TXNL4B: variants seen among roughly 807,000 people sequenced by gnomAD.
The protein encoded by TXNL4B is thioredoxin-like protein 4B.
In TXNL4B, 12 loss-of-function variants were observed where a neutral mutation model predicts 13.0. The ratio of observed to expected loss-of-function variants is 0.92; its 90% CI spans 0.59 to 1.49. The LOEUF is 1.49. TXNL4B is among the 40% of genes most tolerant of loss of function. The probability of loss-of-function intolerance (pLI) is 0.00; values close to 1 mark genes in which losing one functional copy is unlikely to be tolerated. For missense variants in TXNL4B, 214 were observed against 173.6 expected (o/e 1.23, Z -1.31); for synonymous variants, 59 against 58.9 (o/e 1.00, Z -0.01).
chr16:72,090,865 T>C, intron 1 of TXNL4B, 79 bp from the exon 2 acceptor site: 2 of 1,134,934 alleles, frequency 1.8e-6, no homozygotes, highest in Non-Finnish European at 2.6e-6. Flanking sequence ...ATTCACAGAG[T>C]AGCTAATGTA....
rs199528394 is a variant in TXNL4B at position 72,086,558 on chromosome 16, T to C, written c.*79A>G. ...TCTGGGACACATGTTTCCAAAGGAC[T>C]CCAGAAACACAGCACAGCTGGATTC... On this transcript the variant is annotated 3_prime_UTR_variant, in exon 4 of 4. Transcript: ENST00000268483. The C allele has an allele frequency of 3.6e-6, 5 of 1,391,832 alleles. No individual in the cohort carries two copies. The highest frequency in any genetic ancestry group is 2.3e-5 in the East Asian group (1 of 43,086). 86.2% of individuals were successfully genotyped at this position (1,391,832 alleles called of 1,614,324 possible).
Position 72,086,607 on chromosome 16 carries a change from T to C in TXNL4B, c.*30A>G, listed in dbSNP as rs776334761. On this transcript the variant is annotated 3_prime_UTR_variant, in exon 4 of 4. Transcript: ENST00000268483. Reference sequence around the variant, plus strand: ...TCAGGTACTGTGTCAAGATGTGCCTTCTTCTTCATCTTTGACAGCAATTAA... The same window carrying C: ...TCAGGTACTGTGTCAAGATGTGCCTCCTTCTTCATCTTTGACAGCAATTAA... 6.9e-6 allele frequency: 11 copies of C among 1,592,602 alleles called. No homozygotes were observed. Among genetic ancestry groups the C allele is most frequent in the Non-Finnish European group, 9.5e-6 (11 of 1,162,270 alleles).
At chr16:72,090,472 G>T in intron 2 of TXNL4B, 146 bp downstream of exon 2, 1 of 774,524 alleles carries the variant, frequency 1.3e-6, no homozygotes, top group Non-Finnish European at 2.0e-6. Flanking sequence ...TTGGTTCAGG[G>T]CAGGCACACA....
At chr16:72,090,075 C>G in intron 2 of TXNL4B, 1 of 455,884 alleles carries the variant, frequency 2.2e-6, no homozygotes, top group Non-Finnish European at 4.4e-6. Context: ...AGGATTTGTA[C>G]GCTCAGCTCT....
intron 2 of TXNL4B, among the ~76,000 whole-genome samples, chr16:72,090,394 A>G (rs1039850060): frequency 6.6e-6 from 1 of 152,198 alleles, no homozygotes; most frequent in Admixed American, 6.5e-5. Flanking sequence ...TTGTTGGTGA[A>G]ACAGCATTGA....
intron 2 of TXNL4B, chr16:72,090,140 G>A (rs991930214): frequency 8.8e-6 from 4 of 455,930 alleles, no homozygotes; most frequent in African/African-American, 8.0e-5. Context: ...TCTGGGTTAG[G>A]TCTCTCTCTG....
intron 3 of TXNL4B, among the ~76,000 whole-genome samples, chr16:72,087,069 A>T (rs2041833474): frequency 6.6e-6 from 1 of 152,228 alleles, no homozygotes; most frequent in South Asian, 2.1e-4. Flanking sequence ...ATCTATTTTT[A>T]TCACTTCTCA....
At position 72,086,040 on chromosome 16, in the gene TXNL4B, A is replaced by G. The variant is rs947483731; in HGVS notation, c.*597T>C. The G allele has an allele frequency of 3.9e-5, 6 of 152,170 alleles. No individual in the cohort carries two copies. Among genetic ancestry groups the G allele is most frequent in the Non-Finnish European group, 8.8e-5 (6 of 68,046 alleles). 9.4% of individuals were successfully genotyped at this position (152,170 alleles called of 1,614,324 possible). On this transcript the variant is annotated 3_prime_UTR_variant, in exon 4 of 4. Transcript: ENST00000268483. ...AAAATTAAATGAGCCAACCAGGACA[A>G]TGTTTAAAAGCCAGAGCCAAAAAGG... is the stretch of plus-strand genomic sequence containing the variant.
At chr16:72,090,352 G>T (rs186231750) in intron 2 of TXNL4B, among the ~76,000 whole-genome samples, 1 of 152,044 alleles carries the variant, frequency 6.6e-6, no homozygotes, top group Non-Finnish European at 1.5e-5. Flanking sequence ...GTTCACAGAT[G>T]CTTGTTAATA....
chr16:72,088,823 T>G (rs1339015584), intron 3 of TXNL4B, among the ~76,000 whole-genome samples, 164 bp downstream of exon 3: 1 of 152,228 alleles, frequency 6.6e-6, no homozygotes, highest in Admixed American at 6.5e-5. Context: ...ACTCTCATTT[T>G]GTAGCAAGGT....
intron 3 of TXNL4B, among the ~76,000 whole-genome samples, chr16:72,087,882 C>T (rs1336814859): frequency 4.6e-5 from 7 of 152,116 alleles, no homozygotes; most frequent in South Asian, 4.1e-4. Flanking sequence ...TGCAGTGGCG[C>T]GCTCTCGGCT....
chr16:72,087,997 T>G (rs1315933980), intron 3 of TXNL4B, among the ~76,000 whole-genome samples: 1 of 152,164 alleles, frequency 6.6e-6, no homozygotes, highest in Non-Finnish European at 1.5e-5. Context: ...TTTTTTGTAT[T>G]TTTAGTAGAG....
At chr16:72,088,774 T>C (rs909938764) in intron 3 of TXNL4B, among the ~76,000 whole-genome samples, 1 of 152,218 alleles carries the variant, frequency 6.6e-6, no homozygotes, top group Non-Finnish European at 1.5e-5. Flanking sequence ...GTATGCACTA[T>C]TAAAAAAATA....
At chr16:72,090,269 T>A in intron 2 of TXNL4B, 2 of 453,002 alleles carry the variant, frequency 4.4e-6, no homozygotes, top group South Asian at 1.6e-5. Context: ...TTACTTGACC[T>A]CTCTGGTTTT....
chr16:72,089,081 C>A lies in TXNL4B; in HGVS notation c.190G>T (p.Asp64Tyr). 1 of 1,612,186 alleles carries A rather than the reference C, an allele frequency of 6.2e-7. No individual in the cohort carries two copies. The highest frequency in any genetic ancestry group is 8.5e-7 in the Non-Finnish European group (1 of 1,178,378). ...KMAAIYLVDVDQTAVYTQYFD... is the reference protein window; with the variant it reads ...KMAAIYLVDVYQTAVYTQYFD... Reference sequence around the variant, plus strand: ...TACTGTGTATAAACTGCAGTTTGGTCCACATCTACCAGGTATATAGCAGCC... The same window carrying A: ...TACTGTGTATAAACTGCAGTTTGGTACACATCTACCAGGTATATAGCAGCC... The change falls in exon 3 of 4, where the codon GAC becomes TAC. Residue 64 changes from aspartate (D) to tyrosine (Y), a missense_variant. Asp to Tyr is a radical substitution (Grantham distance 160, BLOSUM62 -3). Transcript: ENST00000268483.
intron 1 of TXNL4B, among the ~76,000 whole-genome samples, chr16:72,092,012 T>C (rs2041912945): frequency 6.6e-6 from 1 of 152,242 alleles, no homozygotes; most frequent in South Asian, 2.1e-4. Flanking sequence ...AGCTTAGTTT[T>C]GTGGTCATCT....
At chr16:72,087,964 C>G (rs950616387) in intron 3 of TXNL4B, among the ~76,000 whole-genome samples, 17 of 152,180 alleles carry the variant, frequency 1.1e-4, no homozygotes, top group Admixed American at 1.0e-3. Flanking sequence ...GGACTACATG[C>G]GCCCGCCACC....
At chr16:72,086,823 A>G in intron 3 of TXNL4B, 21 bp from the exon 4 acceptor site, 1 of 1,527,788 alleles carries the variant, frequency 6.5e-7, no homozygotes, top group Non-Finnish European at 8.9e-7. Context: ...TAGAAGAGAA[A>G]CAACTGCTCT....
intron 1 of TXNL4B, among the ~76,000 whole-genome samples, chr16:72,092,094 C>T: frequency 6.6e-6 from 1 of 152,142 alleles, no homozygotes; most frequent in East Asian, 1.9e-4. Flanking sequence ...ATTTCTTTTC[C>T]TATTTTTTTT....
Sources: gnomAD v4.1 joint callset for allele counts (sites outside exome capture counted in the v4.1 genomes callset) on GRCh38, gnomAD v4.1.1 for gene constraint, MANE v1.5 for transcripts, NCBI Gene and HGNC (gene_info 2026-07-23, HGNC 2026-07-21) for gene names.